SENP6: variants seen among roughly 807,000 people sequenced by gnomAD.
SENP6 encodes the protein sentrin-specific protease 6.
Under a neutral mutation model 134.5 loss-of-function variants are expected in SENP6, and 41 were observed. The ratio of observed to expected loss-of-function variants is 0.30; its 90% CI spans 0.24 to 0.40. The LOEUF (loss-of-function observed/expected upper bound fraction) is 0.40. Among genes scored for constraint, SENP6 ranks in the 10% least tolerant of loss-of-function variants. The pLI, the probability that SENP6 is intolerant of heterozygous loss-of-function variation, is 1.00. For synonymous variants in SENP6, 395 were observed against 429.8 expected, an observed-to-expected ratio of 0.92 and a Z score of 1.00; for missense variants, 1,248 against 1,312.5, an observed-to-expected ratio of 0.95 and a Z score of 0.76.
At chr6:75,659,471 A>G (rs754723593) in intron 8 of SENP6, 64 bp downstream of exon 8, 321 of 1,415,826 alleles carry the variant, frequency 2.3e-4, no homozygotes, top group Non-Finnish European at 2.7e-4. Flanking sequence ...TAGTTTCAGT[A>G]CTTATTAAAT....
At position 75,690,964 on chromosome 6, in the gene SENP6, A is replaced by G. The variant is rs558144028; in HGVS notation, c.2076-4840A>G. The stretch of plus-strand genomic sequence containing the variant: ...CCCCCCTGCCCCCCATCAGCTTCCC[A>G]AAGTGCTGGGATTACAGGCATGAGC... On this transcript the variant is annotated intron_variant, in intron 16 of 23. Coordinates refer to ENST00000447266, the MANE Select transcript of SENP6 (RefSeq NM_015571.4). Among the ~76,000 whole-genome samples the G allele has an allele frequency of 1.5e-4, 23 of 150,552 alleles. No individual in the cohort carries two copies. In the East Asian group the frequency reaches 4.5e-3, roughly 29 times the overall value.
chr6:75,603,084 GC>G lies in SENP6; in HGVS notation c.52+510del, dbSNP rs1766760805. 3.9e-5 allele frequency among the ~76,000 whole-genome samples: 6 copies of G among 152,096 alleles called. No individual in the cohort carries two copies. In the South Asian group the frequency reaches 1.2e-3, roughly 31 times the overall value. On this transcript the variant is annotated intron_variant, in intron 1 of 23. Coordinates refer to ENST00000447266, the MANE Select transcript of SENP6 (RefSeq NM_015571.4). Reference sequence around the variant, plus strand: ...GCAGCCAGCCTTCAGATTAGGCCTGGCCTTGTCTGATATTCTTTCGGAATGT... The same window carrying G: ...GCAGCCAGCCTTCAGATTAGGCCTGGCTTGTCTGATATTCTTTCGGAATGT...
intron 11 of SENP6, among the ~76,000 whole-genome samples, chr6:75,670,921 T>C (rs1209055054): frequency 6.7e-6 from 1 of 149,454 alleles, no homozygotes; most frequent in Admixed American, 6.6e-5. Flanking sequence ...CAATATGTTA[T>C]TGTTTATTAT....
intron 10 of SENP6, among the ~76,000 whole-genome samples, chr6:75,667,285 A>G (rs943270982): frequency 6.6e-6 from 1 of 152,192 alleles, no homozygotes; most frequent in Non-Finnish European, 1.5e-5. Context: ...ATTATGTTTT[A>G]TATTTTACTA....
At chr6:75,610,930 TAACA>T (rs1272367980) in intron 1 of SENP6, 1 of 152,126 alleles carries the variant, frequency 6.6e-6, no homozygotes, top group East Asian at 1.9e-4. Context: ...AGAAAAAAAA[TAACA>T]AACAGTGCTG....
chr6:75,681,751 CA>C (rs531638286), intron 16 of SENP6, among the ~76,000 whole-genome samples: 131 of 151,992 alleles, frequency 8.6e-4, no homozygotes, highest in African/African-American at 3.1e-3. Flanking sequence ...AAAGAAGAAA[CA>C]AATGGATGGG....
chr6:75,605,181 G>A (rs1314360396), intron 1 of SENP6, among the ~76,000 whole-genome samples: 2 of 152,156 alleles, frequency 1.3e-5, no homozygotes, highest in Non-Finnish European at 2.9e-5. Context: ...TTAATATTAA[G>A]ACATCTACAT....
At chr6:75,677,737 CTA>C (rs1401340452) in intron 14 of SENP6, 1 of 153,446 alleles carries the variant, frequency 6.5e-6, no homozygotes, top group Non-Finnish European at 1.4e-5. Flanking sequence ...ACTAAAATAA[CTA>C]TTCATATAGG....
At chr6:75,613,470 A>G (rs996861348) in intron 1 of SENP6, among the ~76,000 whole-genome samples, 1 of 152,202 alleles carries the variant, frequency 6.6e-6, no homozygotes, top group Non-Finnish European at 1.5e-5. Flanking sequence ...ATACATGCAC[A>G]AGGAAACAAA....
chr6:75,614,256 C>G (rs1767679266), intron 1 of SENP6, among the ~76,000 whole-genome samples: 1 of 149,980 alleles, frequency 6.7e-6, no homozygotes, highest in Non-Finnish European at 1.5e-5. Flanking sequence ...CAGAAAGTTA[C>G]TATCTTTTTT....
Position 75,716,456 on chromosome 6 carries a change from AT to A in SENP6, c.*869del, listed in dbSNP as rs1308893595. 1 of 152,018 alleles carries A rather than the reference AT, an allele frequency of 6.6e-6. No homozygotes were observed. The highest frequency in any genetic ancestry group is 6.6e-5 in the Admixed American group (1 of 15,260). 9.4% of individuals were successfully genotyped at this position (152,018 alleles called of 1,614,324 possible). A position where few individuals can be genotyped will look rare whatever the true frequency, so the allele number is the denominator to read the frequency against. On this transcript the variant is annotated 3_prime_UTR_variant, in exon 24 of 24. Transcript: ENST00000447266. ...ACAGGAATTTAAATAGGAATTTACT[AT>A]TTTTTTATAAAGCTTTTGCTATTTT... is the stretch of plus-strand genomic sequence containing the variant.
At chr6:75,658,354 A>T (rs1337762682) in intron 7 of SENP6, among the ~76,000 whole-genome samples, 2 of 152,122 alleles carry the variant, frequency 1.3e-5, no homozygotes, top group Admixed American at 1.3e-4. Context: ...ATGTCTACAT[A>T]ATCTTATTTT....
chr6:75,620,316 G>A (rs535765969), intron 1 of SENP6, among the ~76,000 whole-genome samples: 2 of 151,886 alleles, frequency 1.3e-5, no homozygotes, highest in African/African-American at 2.4e-5. Flanking sequence ...TAGTTCATTC[G>A]GGCTGCTGTA....
chr6:75,684,058 CCT>C (rs2149884803), intron 16 of SENP6, among the ~76,000 whole-genome samples: 1 of 152,124 alleles, frequency 6.6e-6, no homozygotes, highest in Admixed American at 6.5e-5. Context: ...TTGTTTGTGT[CCT>C]CTTTTATTTC....
At chr6:75,664,884 T>TA (rs1772076809) in intron 9 of SENP6, among the ~76,000 whole-genome samples, 1 of 152,228 alleles carries the variant, frequency 6.6e-6, no homozygotes, top group African/African-American at 2.4e-5. Flanking sequence ...TTATAGTTTA[T>TA]GTGTAGCAGG....
Position 75,703,243 on chromosome 6 carries a change from G to A in SENP6, c.2716+171G>A, listed in dbSNP as rs190756161. On this transcript the variant is annotated intron_variant, in intron 19 of 23. Transcript: ENST00000447266. The stretch of plus-strand genomic sequence containing the variant: ...GGCCAAGGCAGGAGGATCACTTGAG[G>A]CCAGGAGTTTGAGACCAGCGTGGGC... 1.7e-4 allele frequency among the ~76,000 whole-genome samples: 26 copies of A among 151,844 alleles called. No homozygotes were observed. In the East Asian group the frequency reaches 4.8e-3, roughly 28 times the overall value.
At chr6:75,674,169 T>A (rs35902538) in intron 11 of SENP6, among the ~76,000 whole-genome samples, 38,942 of 118,064 alleles carry the variant, frequency 0.33, 6,130 homozygotes, top group East Asian at 0.52. Context: ...TTTTTTTTTT[T>A]TAAAAACGAT....
chr6:75,683,967 A>G (rs1261066950), intron 16 of SENP6, among the ~76,000 whole-genome samples: 1 of 152,184 alleles, frequency 6.6e-6, no homozygotes, highest in Non-Finnish European at 1.5e-5. Flanking sequence ...GATGACATTG[A>G]ATCTATACAT....
At chr6:75,634,842 A>G (rs1042791271) in intron 5 of SENP6, 31 bp downstream of exon 5, 7 of 1,375,366 alleles carry the variant, frequency 5.1e-6, no homozygotes, top group Non-Finnish European at 7.2e-6. Flanking sequence ...TGGTTAGTAT[A>G]TACATGGCAT....
Sources: allele counts gnomAD v4.1 joint callset (sites outside exome capture counted in the v4.1 genomes callset), GRCh38; gene constraint gnomAD v4.1.1; transcripts MANE v1.5; gene names NCBI Gene and HGNC (gene_info 2026-07-23, HGNC 2026-07-21).